The following PCED1B variants were observed in gnomAD, a reference collection of about 807,000 sequenced individuals.
The protein encoded by PCED1B is PC-esterase domain-containing protein 1B.
For missense variants in PCED1B, 573 were observed against 573.9 expected, an observed-to-expected ratio of 1.00 and a Z score of 0.02; for synonymous variants, 251 against 246.1, an observed-to-expected ratio of 1.02 and a Z score of -0.19.
At chr12:47,090,654 C>T (rs1938223897) in intron 1 of PCED1B, among the ~76,000 whole-genome samples, 1 of 152,166 alleles carries the variant, frequency 6.6e-6, no homozygotes, top group Admixed American at 6.5e-5. Context: ...CATCTAACAA[C>T]ATAGATTAGC....
intron 1 of PCED1B, among the ~76,000 whole-genome samples, chr12:47,090,991 C>T (rs773055529): frequency 2.0e-4 from 31 of 151,926 alleles, no homozygotes; most frequent in Non-Finnish European, 4.3e-4. Flanking sequence ...CATTCTGTTC[C>T]CCCAAATTCC....
chr12:47,172,244 C>T (rs897330483), intron 2 of PCED1B, among the ~76,000 whole-genome samples: 2 of 150,660 alleles, frequency 1.3e-5, no homozygotes, highest in African/African-American at 4.9e-5. Flanking sequence ...TGAGATACTT[C>T]TTCCAATTGT....
chr12:47,218,065 T>C (rs2137815084), intron 3 of PCED1B, among the ~76,000 whole-genome samples: 1 of 152,332 alleles, frequency 6.6e-6, no homozygotes, highest in African/African-American at 2.4e-5. Context: ...AGAATAACAA[T>C]AGCAGCGAAC....
chr12:47,101,695 C>G (rs1300135395), intron 1 of PCED1B, among the ~76,000 whole-genome samples: 1 of 151,996 alleles, frequency 6.6e-6, no homozygotes, highest in Non-Finnish European at 1.5e-5. Context: ...ACCTGTAATC[C>G]CAGCACTTTG....
chr12:47,151,780 A>G (rs1332860557), intron 2 of PCED1B, among the ~76,000 whole-genome samples: 5 of 152,192 alleles, frequency 3.3e-5, no homozygotes, highest in Non-Finnish European at 5.9e-5. Context: ...CTTTTATTCT[A>G]TTCAGGCCTT....
In PCED1B at chr12:47,119,895, G is replaced by T. The variant is rs7965849; in HGVS notation, c.-526+15700G>T. ...GGCATGAGAATTGTTTGAACCCAGG[G>T]GGCGGAGGTTACATGAACCAAGATC... On this transcript the variant is annotated intron_variant, in intron 2 of 3. Transcript: ENST00000546455. 4.6e-5 allele frequency among the ~76,000 whole-genome samples: 7 copies of T among 151,336 alleles called. No individual in the cohort carries two copies. In the South Asian group the frequency reaches 1.3e-3, roughly 27 times the overall value.
In PCED1B at chr12:47,222,422, CAAAAAAAA is replaced by C. The variant is rs750444043; in HGVS notation, c.-58+5748_-58+5755del. Among the ~76,000 whole-genome samples, 572 of 81,610 alleles carry C rather than the reference CAAAAAAAA, an allele frequency of 7.0e-3. 1 individual carries two copies. Among genetic ancestry groups the C allele is most frequent in the Middle Eastern group, 0.026 (4 of 154 alleles). 53.5% of individuals were successfully genotyped at this position (81,610 alleles called of 152,430 possible). On this transcript the variant is annotated intron_variant, in intron 3 of 3. Coordinates refer to ENST00000546455, the MANE Select transcript of PCED1B (RefSeq NM_138371.3). ...GGGCAACAAGAGCAAAACTCCATCT[CAAAAAAAA>C]AAAAAAAAAAAAAAGAGAGAGAATT...
chr12:47,089,659 C>T (rs1938178112), intron 1 of PCED1B, among the ~76,000 whole-genome samples: 2 of 151,530 alleles, frequency 1.3e-5, no homozygotes, highest in Admixed American at 1.3e-4. Flanking sequence ...AGCTATTGTG[C>T]ATGACAAATC....
chr12:47,149,487 C>T (rs1482144622), intron 2 of PCED1B, among the ~76,000 whole-genome samples: 2 of 152,206 alleles, frequency 1.3e-5, no homozygotes, highest in Non-Finnish European at 2.9e-5. Flanking sequence ...CTGGCTTACA[C>T]ATTAGTAAAT....
intron 2 of PCED1B, among the ~76,000 whole-genome samples, chr12:47,195,946 G>T (rs913303555): frequency 2.6e-5 from 4 of 152,040 alleles, no homozygotes; most frequent in East Asian, 1.9e-4. Flanking sequence ...TTTAAAAACT[G>T]CTTAGTTTTC....
At chr12:47,192,421 C>T (rs924017334) in intron 2 of PCED1B, among the ~76,000 whole-genome samples, 4 of 152,176 alleles carry the variant, frequency 2.6e-5, no homozygotes, top group African/African-American at 9.7e-5. Context: ...GACTGATCGG[C>T]TCTATCCAAA....
intron 3 of PCED1B, among the ~76,000 whole-genome samples, chr12:47,224,788 G>C (rs938934010): frequency 1.3e-5 from 2 of 152,166 alleles, no homozygotes; most frequent in African/African-American, 4.8e-5. Context: ...CATAGCCGTA[G>C]ATAGACGCAG....
At chr12:47,102,750 C>T (rs1215137586) in intron 1 of PCED1B, among the ~76,000 whole-genome samples, 1 of 152,008 alleles carries the variant, frequency 6.6e-6, no homozygotes, top group East Asian at 1.9e-4. Context: ...ATTATTAACT[C>T]AACATTGAGG....
At chr12:47,104,552 C>T (rs932073050) in intron 2 of PCED1B, among the ~76,000 whole-genome samples, 1 of 152,238 alleles carries the variant, frequency 6.6e-6, no homozygotes, top group East Asian at 1.9e-4. Context: ...CAGGCCACAG[C>T]CAAACAACCA....
At chr12:47,163,905 CAA>C (rs1180923957) in intron 2 of PCED1B, among the ~76,000 whole-genome samples, 3 of 152,126 alleles carry the variant, frequency 2.0e-5, no homozygotes, top group Non-Finnish European at 2.9e-5. Flanking sequence ...AGGGAGGAAA[CAA>C]GAGAGTCTAG....
intron 2 of PCED1B, among the ~76,000 whole-genome samples, chr12:47,204,860 T>A (rs1942868268): frequency 6.6e-6 from 1 of 152,226 alleles, no homozygotes; most frequent in African/African-American, 2.4e-5. Context: ...ATCTGGATAC[T>A]CTAGTTCAGT....
chr12:47,135,467 C>T, intron 2 of PCED1B: 1 of 388,310 alleles, frequency 2.6e-6, no homozygotes, highest in Non-Finnish European at 5.1e-6. Context: ...AGCTCCTGGC[C>T]CGGATGCTGT....
At chr12:47,168,789 GTGT>G in intron 2 of PCED1B, among the ~76,000 whole-genome samples, 1 of 152,088 alleles carries the variant, frequency 6.6e-6, no homozygotes, top group Non-Finnish European at 1.5e-5. Context: ...CTTTATTGAA[GTGT>G]TGTTGTTTTT....
intron 2 of PCED1B, among the ~76,000 whole-genome samples, chr12:47,163,005 T>C (rs1323557962): frequency 6.6e-6 from 1 of 152,234 alleles, no homozygotes; most frequent in East Asian, 1.9e-4. Context: ...ATTGAATCTG[T>C]TGATGACTTG....
Sources: allele counts gnomAD v4.1 joint callset (sites outside exome capture counted in the v4.1 genomes callset), GRCh38; gene constraint gnomAD v4.1.1; transcripts MANE v1.5; gene names NCBI Gene and HGNC (gene_info 2026-07-23, HGNC 2026-07-21).